The following ITPR2 variants were observed in gnomAD, a reference collection of about 807,000 sequenced individuals.
ITPR2 encodes the protein inositol 1,4,5-trisphosphate receptor type 2.
In ITPR2, 207 loss-of-function variants were observed where a neutral mutation model predicts 317.1. The observed-to-expected ratio is 0.65, with a 90% CI of 0.58 to 0.73. The LOEUF (loss-of-function observed/expected upper bound fraction) is 0.73. Ranked by LOEUF, ITPR2 falls within the 30% of genes least tolerant of loss-of-function variation. ITPR2 has a pLI of 0.00. For missense variants in ITPR2, 2,613 were observed against 3,284.0 expected (o/e 0.80, Z 4.99); for synonymous variants, 1,156 against 1,149.1 (o/e 1.01, Z -0.12).
chr12:26,568,775 C>T (rs1425673331), intron 34 of ITPR2, among the ~76,000 whole-genome samples: 2 of 152,148 alleles, frequency 1.3e-5, no homozygotes, highest in Non-Finnish European at 2.9e-5. Context: ...AGTGGAATGG[C>T]AGGGACAGAG....
At chr12:26,420,361 G>A (rs1373921410) in intron 49 of ITPR2, among the ~76,000 whole-genome samples, 1 of 152,132 alleles carries the variant, frequency 6.6e-6, no homozygotes, top group Non-Finnish European at 1.5e-5. Flanking sequence ...CAACATTGTT[G>A]ATTTGTTCAA....
intron 45 of ITPR2, among the ~76,000 whole-genome samples, chr12:26,469,889 A>T (rs1332223683): frequency 6.6e-6 from 1 of 152,196 alleles, no homozygotes; most frequent in Non-Finnish European, 1.5e-5. Context: ...GCCAACTTTT[A>T]AAAGTTAGGA....
chr12:26,463,464 T>G (rs1019815829), intron 45 of ITPR2, among the ~76,000 whole-genome samples: 2 of 152,006 alleles, frequency 1.3e-5, no homozygotes, highest in Non-Finnish European at 2.9e-5. Flanking sequence ...GTCAAGAGTT[T>G]GAGACCAGCC....
intron 34 of ITPR2, among the ~76,000 whole-genome samples, chr12:26,565,878 A>AGAGGAGAGGGGAGGGGAGGGGAGGG (rs1944953105): frequency 3.0e-5 from 1 of 33,144 alleles, no homozygotes; most frequent in Non-Finnish European, 6.5e-5. Flanking sequence ...GGAGGAGAGG[A>AGAGGAGAGGGGAGGGGAGGGGAGGG]GAGGGGAGGG....
Position 26,434,569 on chromosome 12 carries a change from A to C in ITPR2, c.6769+1652T>G, listed in dbSNP as rs186419730. 9.2e-5 allele frequency among the ~76,000 whole-genome samples: 14 copies of C among 152,282 alleles called. No individual in the cohort carries two copies. The East Asian group carries it at 2.7e-3, about 29-fold the overall frequency. ...TCAAGAAAGGGATATCATGGAATGG[A>C]ACTCAAGGGAAATTAGGTCTTGTAT... On this transcript the variant is annotated intron_variant, in intron 48 of 56. Coordinates refer to ENST00000381340, the MANE Select transcript of ITPR2 (RefSeq NM_002223.4).
intron 52 of ITPR2, among the ~76,000 whole-genome samples, chr12:26,407,048 C>A (rs1174873008): frequency 6.6e-6 from 1 of 152,140 alleles, no homozygotes; most frequent in African/African-American, 2.4e-5. Context: ...CAGATGGAAT[C>A]CTCGCTTTCC....
intron 2 of ITPR2, among the ~76,000 whole-genome samples, chr12:26,751,345 TA>T (rs879893572): frequency 2.0e-5 from 3 of 151,148 alleles, no homozygotes; most frequent in Admixed American, 2.0e-4. Context: ...AAATAAATGT[TA>T]AAAAAAAAGT....
chr12:26,430,938 G>A (rs1434980815), intron 48 of ITPR2, among the ~76,000 whole-genome samples: 2 of 152,074 alleles, frequency 1.3e-5, no homozygotes, highest in African/African-American at 4.8e-5. Flanking sequence ...CTCTGCCTCA[G>A]TCCAGCTAAA....
At chr12:26,587,280 AAT>A (rs10554886) in intron 32 of ITPR2, among the ~76,000 whole-genome samples, 87,619 of 147,346 alleles carry the variant, frequency 0.59, 26,365 homozygotes, top group East Asian at 0.79. Context: ...AATACAAATA[AAT>A]ATATATATAT....
intron 48 of ITPR2, among the ~76,000 whole-genome samples, chr12:26,435,712 A>G (rs1941334665): frequency 6.6e-6 from 1 of 152,100 alleles, no homozygotes. Context: ...ATATTGTCTT[A>G]TGCTGTTCAC....
chr12:26,793,988 GGCAATTATA>G lies in ITPR2; in HGVS notation c.93-3770_93-3762del, dbSNP rs544549018. Among the ~76,000 whole-genome samples the G allele has an allele frequency of 8.6e-4, 131 of 152,160 alleles. 1 individual carries two copies. The highest frequency in any genetic ancestry group is 7.5e-3 in the South Asian group (36 of 4,810). ...AACTAACTAGTGAGTAAGCCAAACA[GGCAATTATA>G]GCAATAGCCTAAAATTCTCAATTTT... is the stretch of plus-strand genomic sequence containing the variant. On this transcript the variant is annotated intron_variant, in intron 1 of 56. Coordinates refer to ENST00000381340, the MANE Select transcript of ITPR2 (RefSeq NM_002223.4).
chr12:26,497,252 C>G lies in ITPR2; in HGVS notation c.5074-1992G>C, dbSNP rs1160483821. Among the ~76,000 whole-genome samples the G allele has an allele frequency of 2.0e-5, 3 of 149,984 alleles. No homozygotes were observed. In the East Asian group the frequency reaches 6.1e-4, roughly 31 times the overall value. On this transcript the variant is annotated intron_variant, in intron 37 of 56. Transcript: ENST00000381340. ...CACTGCAAGCTCCGCCTCCTGGGTT[C>G]ATGCCATTCTCCTGCCTCAGCCTCC...
At chr12:26,519,230 C>A (rs1943604653) in intron 37 of ITPR2, among the ~76,000 whole-genome samples, 1 of 152,090 alleles carries the variant, frequency 6.6e-6, no homozygotes, top group African/African-American at 2.4e-5. Context: ...ATAAAACCTA[C>A]AATATTTTTA....
chr12:26,557,960 T>C (rs978086569), intron 35 of ITPR2, among the ~76,000 whole-genome samples: 5 of 152,326 alleles, frequency 3.3e-5, no homozygotes, highest in African/African-American at 1.2e-4. Context: ...ATTGTCACTC[T>C]TAGCTACAGA....
intron 37 of ITPR2, among the ~76,000 whole-genome samples, chr12:26,499,531 T>G (rs1453194429): frequency 6.6e-6 from 1 of 152,248 alleles, no homozygotes. Flanking sequence ...AGAGGATTTC[T>G]GTGATAATTA....
At chr12:26,682,157 C>A in intron 12 of ITPR2, 123 bp from the exon 13 acceptor site, 1 of 724,754 alleles carries the variant, frequency 1.4e-6, no homozygotes, top group Non-Finnish European at 2.3e-6. Context: ...CACAGTAACT[C>A]CCACATGCAT....
intron 34 of ITPR2, among the ~76,000 whole-genome samples, chr12:26,567,671 C>T (rs1463646174): frequency 6.6e-6 from 1 of 151,690 alleles, no homozygotes; most frequent in Admixed American, 6.6e-5. Context: ...ACAAGTATTT[C>T]TAAAGATATG....
At chr12:26,479,360 A>G (rs758604480) in intron 43 of ITPR2, among the ~76,000 whole-genome samples, 2 of 144,340 alleles carry the variant, frequency 1.4e-5, no homozygotes, top group Non-Finnish European at 2.9e-5. Context: ...ATTTTTTTAC[A>G]TAGGCTTTGA....
chr12:26,439,338 A>G lies in ITPR2; in HGVS notation c.6451-19T>C, dbSNP rs148427556. 6.3e-7 allele frequency: 1 copy of G among 1,578,214 alleles called. No individual in the cohort carries two copies. Among genetic ancestry groups the G allele is most frequent in the East Asian group, 2.3e-5 (1 of 43,728 alleles). ...GGACAATCTGAAAACATTAATTTGCATTGTTTTTAGCCTTTCGGACACCTC... is the reference window on the plus strand; with the variant it reads ...GGACAATCTGAAAACATTAATTTGCGTTGTTTTTAGCCTTTCGGACACCTC... On this transcript the variant is annotated intron_variant, in intron 46 of 56. Transcript: ENST00000381340.
Sources: gnomAD v4.1 joint callset for allele counts (sites outside exome capture counted in the v4.1 genomes callset) on GRCh38, gnomAD v4.1.1 for gene constraint, MANE v1.5 for transcripts, NCBI Gene and HGNC (gene_info 2026-07-23, HGNC 2026-07-21) for gene names.